USP7: variants seen among roughly 807,000 people sequenced by gnomAD.
The protein encoded by USP7 is ubiquitin specific peptidase 7, also known as ubiquitin C-terminal hydrolase 7.
USP7 carries 9 observed loss-of-function variants against 162.9 expected under a neutral mutation model. The observed-to-expected ratio is 0.06, with a 90% confidence interval of 0.03 to 0.10. The LOEUF (loss-of-function observed/expected upper bound fraction) is 0.10. Ranked by LOEUF, USP7 falls within the 10% of genes least tolerant of loss-of-function variation. The pLI is 1.00. For missense variants in USP7, 715 were observed against 1,373.7 expected (o/e 0.52, Z 7.58); for synonymous variants, 562 against 475.9 (o/e 1.18, Z -2.35).
intron 1 of USP7, 57 bp from the exon 2 acceptor site, chr16:8,930,454 A>G (rs1280263138): frequency 1.6e-6 from 2 of 1,284,260 alleles, no homozygotes; most frequent in East Asian, 4.8e-5. Context: ...TAATAGAATA[A>G]GCAAAATATA....
At chr16:8,909,913 G>C (rs115484176) in intron 11 of USP7, among the ~76,000 whole-genome samples, 46 of 152,094 alleles carry the variant, frequency 3.0e-4, no homozygotes, top group Admixed American at 2.3e-3. Context: ...GGAACAGACC[G>C]AGTCTCCGTC....
At chr16:8,901,574 G>A (rs1468662659) in intron 18 of USP7, among the ~76,000 whole-genome samples, 2 of 152,130 alleles carry the variant, frequency 1.3e-5, no homozygotes, top group Non-Finnish European at 2.9e-5. Flanking sequence ...ATTGCGCATG[G>A]TCTTGTGTCT....
chr16:8,933,027 G>C (rs1898463560), intron 1 of USP7, among the ~76,000 whole-genome samples: 1 of 151,756 alleles, frequency 6.6e-6, no homozygotes, highest in African/African-American at 2.4e-5. Context: ...TGCAACCTCT[G>C]CCTCCGGGGT....
chr16:8,933,298 C>T (rs1270351851), intron 1 of USP7, among the ~76,000 whole-genome samples: 2 of 152,040 alleles, frequency 1.3e-5, no homozygotes, highest in African/African-American at 4.8e-5. Context: ...ATAATCCCAG[C>T]ACTTGTGGGG....
intron 25 of USP7, among the ~76,000 whole-genome samples, chr16:8,897,437 C>A (rs1041661800): frequency 6.6e-6 from 1 of 152,018 alleles, no homozygotes; most frequent in East Asian, 1.9e-4. Flanking sequence ...GAATGCTGGT[C>A]CAGATACAAG....
At chr16:8,945,776 G>A (rs1389518199) in intron 1 of USP7, among the ~76,000 whole-genome samples, 1 of 152,074 alleles carries the variant, frequency 6.6e-6, no homozygotes, top group Non-Finnish European at 1.5e-5. Flanking sequence ...TCCACTGGGT[G>A]TGGTGGCTCA....
At chr16:8,943,251 G>A (rs1899128158) in intron 1 of USP7, among the ~76,000 whole-genome samples, 1 of 152,120 alleles carries the variant, frequency 6.6e-6, no homozygotes, top group Non-Finnish European at 1.5e-5. Flanking sequence ...AAACACTGAT[G>A]ATTGGTTTTA....
intron 1 of USP7, chr16:8,936,497 C>T (rs1898733416): frequency 2.2e-6 from 3 of 1,376,406 alleles, no homozygotes; most frequent in Admixed American, 3.0e-5. Context: ...CCCAAATATA[C>T]TTCAGAAGTT....
chr16:8,915,245 A>G lies in USP7; in HGVS notation c.1078+9T>C. 6.3e-7 allele frequency: 1 copy of G among 1,593,152 alleles called. No individual in the cohort carries two copies. Among genetic ancestry groups the G allele is most frequent in the Non-Finnish European group, 8.5e-7 (1 of 1,169,930 alleles). On this transcript the variant is annotated intron_variant, in intron 10 of 30. Transcript: ENST00000344836. ...AAAGATCATGCCATTAGATACACACAACACTTACTATTTTTCTTTCCTTTG... is the reference window on the plus strand; with the variant it reads ...AAAGATCATGCCATTAGATACACACGACACTTACTATTTTTCTTTCCTTTG...
rs1272631071 is a variant in USP7, at chr16:8,963,822, C to T, written c.-537G>A. ...AGAGCCGCGGCCTCCGCCTCCTCGG[C>T]GTCGTCGTCGGGGCTCCGGCAGCGG... is the stretch of plus-strand genomic sequence containing the variant. On this transcript the variant is annotated 5_prime_UTR_variant, in exon 1 of 31. Coordinates refer to ENST00000344836, the MANE Select transcript of USP7 (RefSeq NM_003470.3). 3.0e-4 allele frequency among the ~76,000 whole-genome samples: 44 copies of T among 146,312 alleles called. No individual in the cohort carries two copies. In the East Asian group the frequency reaches 7.8e-3, roughly 26 times the overall value.
intron 6 of USP7, among the ~76,000 whole-genome samples, chr16:8,917,983 G>C (rs1004265996): frequency 6.6e-6 from 1 of 151,594 alleles, no homozygotes; most frequent in Non-Finnish European, 1.5e-5. Flanking sequence ...CTAGAGACGG[G>C]GTTTCACCAT....
At chr16:8,962,616 A>G in intron 1 of USP7, 1 of 300,702 alleles carries the variant, frequency 3.3e-6, no homozygotes, top group Admixed American at 3.7e-5. Context: ...TGGATTCGGA[A>G]ACCAACAGCG....
At chr16:8,962,131 T>C (rs1428672229) in intron 1 of USP7, among the ~76,000 whole-genome samples, 1 of 152,192 alleles carries the variant, frequency 6.6e-6, no homozygotes, top group Non-Finnish European at 1.5e-5. Flanking sequence ...CAAATACTGC[T>C]TTTCCTGAGC....
rs909205182 is a variant in USP7, at chr16:8,905,122, G to C, written c.1573+65C>G. On this transcript the variant is annotated intron_variant, in intron 14 of 30. Transcript: ENST00000344836. ...TGTTTGGACAGAAAAGGATATTGGAGATTCATGGTACAAATGTCCAAGTCC... is the reference window on the plus strand; with the variant it reads ...TGTTTGGACAGAAAAGGATATTGGACATTCATGGTACAAATGTCCAAGTCC... The C allele has an allele frequency of 3.2e-6, 5 of 1,558,172 alleles. No individual in the cohort carries two copies. In the African/African-American group the frequency reaches 6.8e-5, roughly 21 times the overall value.
At chr16:8,906,912 T>C (rs2061869280) in intron 12 of USP7, among the ~76,000 whole-genome samples, 1 of 152,234 alleles carries the variant, frequency 6.6e-6, no homozygotes. Context: ...GTAAAAATAT[T>C]TCCCACTCTG....
chr16:8,947,503 A>AT (rs1899342690), intron 1 of USP7, among the ~76,000 whole-genome samples: 1 of 152,062 alleles, frequency 6.6e-6, no homozygotes, highest in Non-Finnish European at 1.5e-5. Flanking sequence ...ATGCACCACC[A>AT]CACCCAGCTA....
In USP7 at chr16:8,918,324, A is replaced by T. The variant is rs959652592; in HGVS notation, c.720+707T>A. On this transcript the variant is annotated intron_variant, in intron 6 of 30. Coordinates refer to ENST00000344836, the MANE Select transcript of USP7 (RefSeq NM_003470.3). ...TCATAATAATCACAAGTAATTCTCAAAATAGAACTAACTCATCTATATTAG... is the reference window on the plus strand; with the variant it reads ...TCATAATAATCACAAGTAATTCTCATAATAGAACTAACTCATCTATATTAG... Among the ~76,000 whole-genome samples the T allele has an allele frequency of 1.2e-4, 18 of 152,304 alleles. No homozygotes were observed. In the East Asian group the frequency reaches 3.1e-3, roughly 26 times the overall value.
rs1220708929 is a variant in USP7 at position 8,902,400 on chromosome 16, T to G, written c.1922A>C (p.Glu641Ala). 6.2e-7 allele frequency: 1 copy of G among 1,614,172 alleles called. No individual in the cohort carries two copies. Among genetic ancestry groups the G allele is most frequent in the South Asian group, 1.1e-5 (1 of 91,058 alleles). Residue 641 changes from glutamate (E) to alanine (A), a missense_variant, in exon 17 of 31, where the codon GAA becomes GCA. Physicochemically the swap from Glu to Ala is moderately radical, Grantham distance 107. This residue lies in a region of USP7 where 197 missense variants were observed against 306.5 expected (regional missense o/e 0.64). Transcript: ENST00000344836. ...GTKRPAMLDN[E>A]ADGNKTMIEL... ...ATTTACTGTTTTATTGCCGTCGGCT[T>G]CATTATCTAACATTGCTGGTCGTTT... is the stretch of plus-strand genomic sequence containing the variant.
chr16:8,918,969 C>G, intron 6 of USP7, 62 bp downstream of exon 6: 1 of 1,558,904 alleles, frequency 6.4e-7, no homozygotes, highest in Non-Finnish European at 8.8e-7. Context: ...GGACTTTGCT[C>G]TGATATACCT....
Sources: allele counts gnomAD v4.1 joint callset (sites outside exome capture counted in the v4.1 genomes callset), GRCh38; gene constraint gnomAD v4.1.1; regional missense constraint gnomAD v4.1.1; transcripts MANE v1.5; gene names NCBI Gene and HGNC (gene_info 2026-07-23, HGNC 2026-07-21).